The following TRIQK variants were observed in gnomAD, a reference collection of about 807,000 sequenced individuals.
TRIQK encodes the protein triple QxxK/R motif containing, also known as triple QxxK/R motif-containing protein.
In TRIQK, 10 loss-of-function variants were observed where a neutral mutation model predicts 10.8. The ratio of observed to expected loss-of-function variants is 0.92; its 90% confidence interval spans 0.57 to 1.57. TRIQK has a LOEUF of 1.57. Among genes scored for constraint, TRIQK ranks in the 40% most tolerant of loss-of-function variants. TRIQK has a pLI of 0.00. For missense variants in TRIQK, 107 were observed against 97.7 expected (o/e 1.09, Z -0.40); for synonymous variants, 33 against 33.7 (o/e 0.98, Z 0.07).
chr8:92,890,852 T>C lies in TRIQK; in HGVS notation c.147+1137A>G, dbSNP rs933908238. ...AAGAAATGATCACCAAGTAGCCAAA[T>C]GTAAAATTTAAAAAAATCTCAACAC... On this transcript the variant is annotated intron_variant, in intron 4 of 4. Transcript: ENST00000521988. Among the ~76,000 whole-genome samples, 39 of 152,002 alleles carry C rather than the reference T, an allele frequency of 2.6e-4. 1 individual carries two copies. Among genetic ancestry groups the C allele is most frequent in the Admixed American group, 7.2e-4 (11 of 15,208 alleles).
intron 1 of TRIQK, among the ~76,000 whole-genome samples, chr8:92,972,348 T>C (rs191069304): frequency 6.6e-6 from 1 of 152,328 alleles, no homozygotes; most frequent in African/African-American, 2.4e-5. Flanking sequence ...TATACTTTCC[T>C]TTTTTTATTT....
intron 2 of TRIQK, among the ~76,000 whole-genome samples, chr8:92,948,804 A>T (rs1007223447): frequency 2.6e-5 from 4 of 152,268 alleles, no homozygotes; most frequent in African/African-American, 9.6e-5. Flanking sequence ...TGTAAACTTA[A>T]TTGAAAATGC....
chr8:92,898,952 C>T (rs1047427337), intron 3 of TRIQK, among the ~76,000 whole-genome samples: 2 of 146,764 alleles, frequency 1.4e-5, no homozygotes, highest in African/African-American at 2.5e-5. Flanking sequence ...TATCTATCTC[C>T]TCCAGAATTT....
Position 92,960,048 on chromosome 8 carries a change from T to C in TRIQK, c.-180-5484A>G, listed in dbSNP as rs540598931. Among the ~76,000 whole-genome samples, 6 of 152,290 alleles carry C rather than the reference T, an allele frequency of 3.9e-5. No homozygotes were observed. In the South Asian group the frequency reaches 1.2e-3, roughly 32 times the overall value. On this transcript the variant is annotated intron_variant, in intron 1 of 4. Transcript: ENST00000521988. ...ATCATAATTTGACAATTTTGTGATTTTTGTGTCTCTTTAAGTTGTCATGCC... is the reference window on the plus strand; with the variant it reads ...ATCATAATTTGACAATTTTGTGATTCTTGTGTCTCTTTAAGTTGTCATGCC...
chr8:92,898,780 TTC>T (rs1180213933), intron 3 of TRIQK, among the ~76,000 whole-genome samples: 8 of 147,014 alleles, frequency 5.4e-5, no homozygotes, highest in African/African-American at 2.0e-4. Flanking sequence ...ATGTTTCAAA[TTC>T]TCTTTTTGTT....
intron 2 of TRIQK, among the ~76,000 whole-genome samples, chr8:92,940,401 CACAA>C (rs916163707): frequency 2.7e-5 from 4 of 148,604 alleles, no homozygotes; most frequent in African/African-American, 4.9e-5. Context: ...CTGTCAGGGA[CACAA>C]ACAAACTGAT....
At position 92,930,390 on chromosome 8, in the gene TRIQK, CAAAAAAAAAAA is replaced by C. The variant is rs66513185; in HGVS notation, c.-21-13391_-21-13381del. On this transcript the variant is annotated intron_variant, in intron 2 of 4. Coordinates refer to ENST00000521988, the MANE Select transcript of TRIQK (RefSeq NM_001171797.2). The stretch of plus-strand genomic sequence containing the variant: ...AGGCAACAAAGCGAGACTAGGTCTC[CAAAAAAAAAAA>C]AAAAAAAAAAAAAAGATTACAATAA... Among the ~76,000 whole-genome samples the C allele has an allele frequency of 7.4e-4, 35 of 47,168 alleles. No homozygotes were observed. In the Admixed American group the frequency reaches 7.7e-3, roughly 10 times the overall value. 30.9% of individuals were successfully genotyped at this position (47,168 alleles called of 152,430 possible).
intron 1 of TRIQK, among the ~76,000 whole-genome samples, chr8:92,992,795 G>A (rs1036203201): frequency 2.6e-5 from 4 of 152,084 alleles, no homozygotes; most frequent in East Asian, 1.9e-4. Flanking sequence ...TAAAACCTCC[G>A]GCACCCCAGA....
At chr8:92,911,092 C>T (rs769590722) in intron 3 of TRIQK, among the ~76,000 whole-genome samples, 142 of 151,016 alleles carry the variant, frequency 9.4e-4, no homozygotes, top group Non-Finnish European at 1.8e-3. Flanking sequence ...AAAACACTGT[C>T]GGTACAAGAA....
At chr8:92,986,345 T>C (rs769004738) in intron 1 of TRIQK, among the ~76,000 whole-genome samples, 3 of 152,200 alleles carry the variant, frequency 2.0e-5, no homozygotes, top group Admixed American at 6.5e-5. Flanking sequence ...GAAATTCACA[T>C]AAAAGCCTTT....
chr8:92,937,340 TCTG>T (rs1811044077), intron 2 of TRIQK, among the ~76,000 whole-genome samples: 3 of 151,580 alleles, frequency 2.0e-5, no homozygotes, highest in Non-Finnish European at 3.0e-5. Flanking sequence ...AACGCCAAAT[TCTG>T]TGGTTATATA....
chr8:92,907,947 A>T (rs1809368412), intron 3 of TRIQK, among the ~76,000 whole-genome samples: 2 of 152,124 alleles, frequency 1.3e-5, no homozygotes. Flanking sequence ...CTCATATTAC[A>T]CTATTTTAGG....
intron 1 of TRIQK, among the ~76,000 whole-genome samples, chr8:93,004,180 T>C (rs1813242687): frequency 6.6e-6 from 1 of 152,184 alleles, no homozygotes; most frequent in African/African-American, 2.4e-5. Flanking sequence ...GCTGCAGACT[T>C]CTTCACGGAC....
chr8:92,984,146 T>C (rs1813010944), intron 1 of TRIQK, among the ~76,000 whole-genome samples: 1 of 152,118 alleles, frequency 6.6e-6, no homozygotes, highest in Non-Finnish European at 1.5e-5. Context: ...ACTATAATAC[T>C]GACTTGGCAT....
In TRIQK at chr8:92,886,520, G is replaced by A. The variant is rs1586356676; in HGVS notation, c.*102C>T. ...ATATGTCTGCAAACTGAAAATATTA[G>A]CAGAAAGAATTAAAGATGTTACAGT... On this transcript the variant is annotated 3_prime_UTR_variant, in exon 5 of 5. Coordinates refer to ENST00000521988, the MANE Select transcript of TRIQK (RefSeq NM_001171797.2). 10 of 668,158 alleles carry A rather than the reference G, an allele frequency of 1.5e-5. No individual in the cohort carries two copies. In the East Asian group the frequency reaches 2.6e-4, roughly 17 times the overall value. 41.4% of individuals were successfully genotyped at this position (668,158 alleles called of 1,614,324 possible). A position where few individuals can be genotyped will look rare whatever the true frequency, so the allele number is the denominator to read the frequency against.
At chr8:92,995,412 C>G (rs1813143789) in intron 1 of TRIQK, among the ~76,000 whole-genome samples, 1 of 151,976 alleles carries the variant, frequency 6.6e-6, no homozygotes, top group Non-Finnish European at 1.5e-5. Context: ...CCCATCTACC[C>G]TGCCTGGTAT....
chr8:93,009,575 T>A (rs1372203403), intron 1 of TRIQK, among the ~76,000 whole-genome samples: 1 of 151,458 alleles, frequency 6.6e-6, no homozygotes, highest in Admixed American at 6.6e-5. Context: ...ACCACTGCAC[T>A]CCAGCCTGGG....
chr8:92,945,473 T>C (rs1340219591), intron 2 of TRIQK, among the ~76,000 whole-genome samples: 1 of 152,202 alleles, frequency 6.6e-6, no homozygotes, highest in African/African-American at 2.4e-5. Flanking sequence ...AAGGTGAGCT[T>C]TGACCAATGT....
intron 2 of TRIQK, among the ~76,000 whole-genome samples, chr8:92,931,049 C>T (rs1810697967): frequency 6.6e-6 from 1 of 151,928 alleles, no homozygotes; most frequent in South Asian, 2.1e-4. Context: ...TTAGTGAATT[C>T]TTATGACTCA....
Sources: allele counts gnomAD v4.1 joint callset (sites outside exome capture counted in the v4.1 genomes callset), GRCh38; gene constraint gnomAD v4.1.1; transcripts MANE v1.5; gene names NCBI Gene and HGNC (gene_info 2026-07-23, HGNC 2026-07-21).